Variants in GNPTAB observed in about 807,000 individuals in gnomAD.
GNPTAB encodes the protein N-acetylglucosamine-1-phosphate transferase subunits alpha and beta, also known as N-acetylglucosamine-1-phosphotransferase subunits alpha/beta.
A neutral mutation model predicts 136.6 loss-of-function variants in GNPTAB; 92 were observed. The ratio of observed to expected loss-of-function variants is 0.67; its 90% CI spans 0.57 to 0.80. The LOEUF (loss-of-function observed/expected upper bound fraction) is 0.80. Among genes scored for constraint, GNPTAB ranks in the 30% least tolerant of loss-of-function variants. The pLI is 0.00. For synonymous variants in GNPTAB, 512 were observed against 535.1 expected, an observed-to-expected ratio of 0.96 and a Z score of 0.60; for missense variants, 1,343 against 1,501.8, an observed-to-expected ratio of 0.89 and a Z score of 1.75.
At chr12:101,803,798 T>A (rs1869779843) in intron 1 of GNPTAB, among the ~76,000 whole-genome samples, 1 of 152,110 alleles carries the variant, frequency 6.6e-6, no homozygotes, top group Non-Finnish European at 1.5e-5. Flanking sequence ...TAATAAACAC[T>A]GTTAGACAAA....
rs187256830 is a variant in GNPTAB, at chr12:101,757,559, G to A, written c.3335+13C>T. On this transcript the variant is annotated intron_variant, in intron 17 of 20. Transcript: ENST00000299314. ...CTTATACTAAACAAAGGGAGTATGC[G>A]TGTACTACTTACCTATATTTGTTTT... 1.2e-4 allele frequency: 145 copies of A among 1,240,408 alleles called. 2 individuals are homozygous for A. Among genetic ancestry groups the A allele is most frequent in the African/African-American group, 1.0e-3 (70 of 67,202 alleles). 76.8% of individuals were successfully genotyped at this position (1,240,408 alleles called of 1,614,324 possible).
chr12:101,766,004 T>C, intron 12 of GNPTAB, 87 bp downstream of exon 12: 1 of 1,115,452 alleles, frequency 9.0e-7, no homozygotes, highest in East Asian at 2.3e-5. Flanking sequence ...GAATCATTAT[T>C]TTAAATAACA....
intron 1 of GNPTAB, among the ~76,000 whole-genome samples, chr12:101,827,938 G>T (rs1336374542): frequency 1.3e-5 from 2 of 152,192 alleles, no homozygotes; most frequent in African/African-American, 4.8e-5. Flanking sequence ...CTGCACTCCA[G>T]CGTGGGCAAG....
chr12:101,770,124 C>A lies in GNPTAB; in HGVS notation c.1181G>T (p.Arg394Leu), dbSNP rs373139246. ...SSPAIESHIH[R>L]IEGLSQKFIY... The stretch of plus-strand genomic sequence containing the variant: ...AAACTTCTGGGACAGCCCTTCGATG[C>A]GATGAATGTGACTTTCAATAGCAGG... Residue 394 changes from arginine to leucine, a missense_variant, in exon 10 of 21, where the codon CGC becomes CTC. Coordinates refer to ENST00000299314, the MANE Select transcript of GNPTAB (RefSeq NM_024312.5). The A allele has an allele frequency of 6.2e-6, 10 of 1,614,030 alleles. No homozygotes were observed. The East Asian group carries it at 1.1e-4, about 18-fold the overall frequency.
intron 10 of GNPTAB, 106 bp downstream of exon 10, chr12:101,769,915 G>T: frequency 1.8e-6 from 2 of 1,127,610 alleles, no homozygotes; most frequent in Non-Finnish European, 2.7e-6. Context: ...ACAGGTGTGA[G>T]CCACCATGTC....
chr12:101,796,364 G>A (rs1869289219), intron 2 of GNPTAB: 9 of 687,984 alleles, frequency 1.3e-5, no homozygotes, highest in South Asian at 9.3e-5. Flanking sequence ...AAAATGTGGT[G>A]AACACACTTT....
Position 101,785,994 on chromosome 12 carries a change from T to C in GNPTAB, c.571+18A>G. ...CCAATGATAACATGATTTTAAAATA[T>C]CCATAAAAAGATCTTACCATCCTTA... On this transcript the variant is annotated intron_variant, in intron 5 of 20. Transcript: ENST00000299314. 3 of 1,524,890 alleles carry C rather than the reference T, an allele frequency of 2.0e-6. No homozygotes were observed. Among genetic ancestry groups the C allele is most frequent in the Non-Finnish European group, 2.7e-6 (3 of 1,099,338 alleles). 94.5% of individuals were successfully genotyped at this position (1,524,890 alleles called of 1,614,324 possible).
At chr12:101,766,757 T>C (rs1031617812) in intron 11 of GNPTAB, among the ~76,000 whole-genome samples, 2 of 152,152 alleles carry the variant, frequency 1.3e-5, no homozygotes, top group African/African-American at 4.8e-5. Context: ...TCATATACCT[T>C]AAGAAGAAAA....
chr12:101,760,776 C>CT (rs1441993554), intron 15 of GNPTAB, among the ~76,000 whole-genome samples: 1 of 146,124 alleles, frequency 6.8e-6, no homozygotes, highest in Non-Finnish European at 1.5e-5. Context: ...TTAAAATTTT[C>CT]TTTTCTTTTT....
In GNPTAB at chr12:101,786,153, C is replaced by A; in HGVS notation, c.430G>T (p.Ala144Ser). The change falls in exon 5 of 21, where the codon GCC becomes TCC. Residue 144 changes from alanine (A) to serine (S), a missense_variant. Transcript: ENST00000299314. Reference protein sequence around the residue: ...IKVPMLVLDPALPANITLKDL... With the variant: ...IKVPMLVLDPSLPANITLKDL... ...TTCAGGGTGATGTTGGCTGGCAGGG[C>A]TGGGTCCAGGACAAGCATTGGCACC... 6.2e-7 allele frequency: 1 copy of A among 1,613,980 alleles called. No individual in the cohort carries two copies. The highest frequency in any genetic ancestry group is 8.5e-7 in the Non-Finnish European group (1 of 1,179,956).
In GNPTAB at chr12:101,830,571, G is replaced by A. The variant is rs750883777; in HGVS notation, c.105C>T (p.Phe35=). 1.2e-6 allele frequency: 2 copies of A among 1,608,048 alleles called. No individual in the cohort carries two copies. Among genetic ancestry groups the A allele is most frequent in the Non-Finnish European group, 1.7e-6 (2 of 1,175,318 alleles). ...CGCCGCTACTCACCTCTCCGAACTG[G>A]AAGGCGGAGACGATGGTGACAACGA... ...LGVVVTIVSA[F]QFGEVVLEWS... Residue 35 remains phenylalanine, a synonymous_variant, in exon 1 of 21, where the codon TTC becomes TTT. Transcript: ENST00000299314.
In GNPTAB at chr12:101,757,574, A is replaced by G. The variant is rs146680824; in HGVS notation, c.3333T>C (p.Tyr1111=). Residue 1111 remains tyrosine, a splice_region_variant and synonymous_variant, in exon 17 of 21, where the codon TAT becomes TAC. Transcript: ENST00000299314. ...GGGAGTATGCGTGTACTACTTACCTATATTTGTTTTTGTCCTTATATGCTT... is the reference window on the plus strand; with the variant it reads ...GGGAGTATGCGTGTACTACTTACCTGTATTTGTTTTTGTCCTTATATGCTT... ...IHKAYKDKNK[Y]RFEIMGEEEI... The G allele has an allele frequency of 5.6e-6, 8 of 1,428,822 alleles. No homozygotes were observed. Among genetic ancestry groups the G allele is most frequent in the African/African-American group, 4.2e-5 (3 of 71,196 alleles). The allele number at this position is 1,428,822 out of a possible 1,614,324, so 88.5% of individuals were successfully genotyped here.
rs745938838 is a variant in GNPTAB, at chr12:101,757,669, T to C, written c.3250-12A>G. On this transcript the variant is annotated splice_polypyrimidine_tract_variant and intron_variant, in intron 16 of 20. Coordinates refer to ENST00000299314, the MANE Select transcript of GNPTAB (RefSeq NM_024312.5). ...TTAGTGACCGGTGGCTATGAGAAAA[T>C]ATAAGTAGATCAGATATCACATCAG... 342 of 1,303,464 alleles carry C rather than the reference T, an allele frequency of 2.6e-4. 3 individuals carry two copies. In the East Asian group the frequency reaches 7.8e-3, roughly 30 times the overall value. The allele number at this position is 1,303,464 out of a possible 1,614,324, so 80.7% of individuals were successfully genotyped here. A position where few individuals can be genotyped will look rare whatever the true frequency, so the allele number is the denominator to read the frequency against.
At chr12:101,790,814 G>A (rs1182047897) in intron 2 of GNPTAB, among the ~76,000 whole-genome samples, 12 of 150,106 alleles carry the variant, frequency 8.0e-5, no homozygotes, top group Non-Finnish European at 1.6e-4. Context: ...CCTACTTAAT[G>A]CTGTAGCCTT....
At chr12:101,807,142 C>A (rs778963939) in intron 1 of GNPTAB, among the ~76,000 whole-genome samples, 3 of 152,142 alleles carry the variant, frequency 2.0e-5, no homozygotes, top group Non-Finnish European at 2.9e-5. Flanking sequence ...AAAATCAATT[C>A]ATAAAATCCT....
intron 12 of GNPTAB, 195 bp from the exon 13 acceptor site, chr12:101,765,499 G>T: frequency 1.7e-6 from 1 of 585,146 alleles, no homozygotes; most frequent in Non-Finnish European, 3.0e-6. Context: ...ATGTGCTGCT[G>T]AAGTAGGCAC....
chr12:101,798,449 G>A (rs549590775), intron 1 of GNPTAB, among the ~76,000 whole-genome samples: 4 of 152,294 alleles, frequency 2.6e-5, no homozygotes, highest in South Asian at 2.1e-4. Flanking sequence ...AAAGGAAAGG[G>A]AAAGACATGC....
At chr12:101,810,100 C>CA (rs34735767) in intron 1 of GNPTAB, among the ~76,000 whole-genome samples, 27,291 of 151,306 alleles carry the variant, frequency 0.18, 2,540 homozygotes, top group African/African-American at 0.23. Context: ...CCAGTCTCTA[C>CA]AAAAAAAGGT....
rs1159190015 is a variant in GNPTAB, at chr12:101,746,342, C to G, written c.*822G>C. The G allele has an allele frequency of 6.6e-6, 1 of 152,210 alleles. No homozygotes were observed. Among genetic ancestry groups the G allele is most frequent in the African/African-American group, 2.4e-5 (1 of 41,448 alleles). The allele number at this position is 152,210 out of a possible 1,614,324, so 9.4% of individuals were successfully genotyped here. ...ATACCAATGAGTATTAAACAAGACA[C>G]CACTGTAATGTGCCAGTGCCATCAG... On this transcript the variant is annotated 3_prime_UTR_variant, in exon 21 of 21. Coordinates refer to ENST00000299314, the MANE Select transcript of GNPTAB (RefSeq NM_024312.5).
Sources: gnomAD v4.1 joint callset for allele counts (sites outside exome capture counted in the v4.1 genomes callset) on GRCh38, gnomAD v4.1.1 for gene constraint, MANE v1.5 for transcripts, NCBI Gene and HGNC (gene_info 2026-07-23, HGNC 2026-07-21) for gene names.